The following ANKH variants were observed in gnomAD, a reference collection of about 807,000 sequenced individuals.
ANKH encodes mineralization regulator ANKH.
A neutral mutation model predicts 49.0 loss-of-function variants in ANKH; 15 were observed. That is an observed-to-expected ratio of 0.31 (90% CI 0.20 to 0.47). ANKH has a LOEUF of 0.47. Ranked by LOEUF, ANKH falls within the 20% of genes least tolerant of loss-of-function variation. The pLI is 1.00. For synonymous variants in ANKH, 273 were observed against 260.0 expected (o/e 1.05, Z -0.48); for missense variants, 429 against 652.0 (o/e 0.66, Z 3.72).
chr5:14,867,155 C>CAAAAA (rs774841903), intron 1 of ANKH, among the ~76,000 whole-genome samples: 2 of 69,272 alleles, frequency 2.9e-5, no homozygotes, highest in African/African-American at 4.6e-5. Context: ...GACTCAGTCT[C>CAAAAA]AAAAAAAAAA....
chr5:14,791,223 G>A (rs1045288860), intron 1 of ANKH, among the ~76,000 whole-genome samples: 1 of 152,132 alleles, frequency 6.6e-6, no homozygotes, highest in Non-Finnish European at 1.5e-5. Flanking sequence ...TCGGGTGCCT[G>A]GAGAGGGATG....
chr5:14,802,652 A>T (rs564339210), intron 1 of ANKH, among the ~76,000 whole-genome samples: 16 of 151,898 alleles, frequency 1.1e-4, no homozygotes, highest in Admixed American at 1.1e-3. Context: ...GATTCCAGAC[A>T]CAAGGCGTCT....
At chr5:14,718,514 T>C (rs1267159278) in intron 8 of ANKH, among the ~76,000 whole-genome samples, 1 of 152,022 alleles carries the variant, frequency 6.6e-6, no homozygotes, top group African/African-American at 2.4e-5. Flanking sequence ...GAGAATGTTA[T>C]AAAAAAGACA....
At chr5:14,834,514 C>T (rs1180668402) in intron 1 of ANKH, among the ~76,000 whole-genome samples, 1 of 152,212 alleles carries the variant, frequency 6.6e-6, no homozygotes, top group East Asian at 1.9e-4. Flanking sequence ...GGCGCAGTGG[C>T]TCATGCCTGT....
At chr5:14,772,165 CT>C (rs1225750104) in intron 1 of ANKH, among the ~76,000 whole-genome samples, 1 of 152,106 alleles carries the variant, frequency 6.6e-6, no homozygotes, top group Non-Finnish European at 1.5e-5. Context: ...GTCACAGACT[CT>C]GGCAGAAGCA....
chr5:14,733,151 T>A (rs1303541894), intron 8 of ANKH, among the ~76,000 whole-genome samples: 1 of 152,306 alleles, frequency 6.6e-6, no homozygotes, highest in Non-Finnish European at 1.5e-5. Context: ...CTGAAAACTG[T>A]CTGGCACCGG....
chr5:14,793,186 G>T (rs893018357), intron 1 of ANKH, among the ~76,000 whole-genome samples: 1 of 149,746 alleles, frequency 6.7e-6, no homozygotes, highest in African/African-American at 2.5e-5. Context: ...TCTTACCAAA[G>T]TTTAAGGAGG....
chr5:14,841,441 C>T (rs1741814075), intron 1 of ANKH, among the ~76,000 whole-genome samples: 1 of 152,072 alleles, frequency 6.6e-6, no homozygotes, highest in Non-Finnish European at 1.5e-5. Context: ...GGATTACAGG[C>T]ATGTGCCCCA....
chr5:14,712,414 C>T (rs116543709), intron 11 of ANKH, among the ~76,000 whole-genome samples: 164 of 152,348 alleles, frequency 1.1e-3, no homozygotes, highest in African/African-American at 3.7e-3. Context: ...AGGGCCCTTG[C>T]GCAAGCTCTC....
intron 1 of ANKH, among the ~76,000 whole-genome samples, chr5:14,795,295 A>T (rs1740337462): frequency 6.6e-6 from 1 of 152,212 alleles, no homozygotes; most frequent in Admixed American, 6.5e-5. Context: ...TCCAATTGTG[A>T]CCTACTAAAC....
At chr5:14,853,463 GC>G (rs1742171169) in intron 1 of ANKH, among the ~76,000 whole-genome samples, 1 of 152,156 alleles carries the variant, frequency 6.6e-6, no homozygotes, top group Non-Finnish European at 1.5e-5. Flanking sequence ...TATGGTCACA[GC>G]TACTCGGGTG....
chr5:14,797,233 T>C, intron 1 of ANKH: 1 of 1,350,098 alleles, frequency 7.4e-7, no homozygotes, highest in South Asian at 1.2e-5. Context: ...ACAGAACACA[T>C]CACTCAAGGT....
intron 1 of ANKH, among the ~76,000 whole-genome samples, chr5:14,823,408 T>C (rs184061798): frequency 2.0e-5 from 3 of 152,302 alleles, no homozygotes; most frequent in Admixed American, 1.3e-4. Context: ...AGAGATCCTG[T>C]TTATAAAATG....
chr5:14,807,848 G>A (rs1426846569), intron 1 of ANKH, among the ~76,000 whole-genome samples: 2 of 152,182 alleles, frequency 1.3e-5, no homozygotes, highest in Non-Finnish European at 2.9e-5. Flanking sequence ...TTGGTGAGAG[G>A]TCGGGGGGGT....
At chr5:14,853,130 C>T (rs1263813564) in intron 1 of ANKH, among the ~76,000 whole-genome samples, 8 of 152,164 alleles carry the variant, frequency 5.3e-5, no homozygotes, top group Admixed American at 3.3e-4. Flanking sequence ...ACATGCCTTA[C>T]AATGCAATTA....
intron 2 of ANKH, among the ~76,000 whole-genome samples, chr5:14,766,487 G>A (rs1350189930): frequency 6.6e-6 from 1 of 152,162 alleles, no homozygotes; most frequent in African/African-American, 2.4e-5. Flanking sequence ...AATCCATGAG[G>A]CCTGTCCCAA....
chr5:14,833,606 G>C lies in ANKH; in HGVS notation c.96+37746C>G, dbSNP rs374190705. Among the ~76,000 whole-genome samples the C allele has an allele frequency of 4.6e-5, 7 of 152,172 alleles. No individual in the cohort carries two copies. In the East Asian group the frequency reaches 1.2e-3, roughly 25 times the overall value. ...ACCTTAAGTATTCAGGGTGAAAAAG[G>C]CTGCTGCACCACCTCAAAGACAAGT... On this transcript the variant is annotated intron_variant, in intron 1 of 11. Coordinates refer to ENST00000284268, the MANE Select transcript of ANKH (RefSeq NM_054027.6).
chr5:14,837,000 C>T (rs1414570055), intron 1 of ANKH, among the ~76,000 whole-genome samples: 1 of 152,032 alleles, frequency 6.6e-6, no homozygotes, highest in African/African-American at 2.4e-5. Flanking sequence ...ACAAACCTGA[C>T]AAAAACAAGA....
At chr5:14,785,149 G>T (rs1460056582) in intron 1 of ANKH, among the ~76,000 whole-genome samples, 2 of 152,274 alleles carry the variant, frequency 1.3e-5, no homozygotes, top group Middle Eastern at 3.4e-3. Flanking sequence ...TTTGAGATCT[G>T]TGAGAATTCT....
Sources: allele counts gnomAD v4.1 joint callset (sites outside exome capture counted in the v4.1 genomes callset), GRCh38; gene constraint gnomAD v4.1.1; transcripts MANE v1.5; gene names NCBI Gene and HGNC (gene_info 2026-07-23, HGNC 2026-07-21).